The following ZZZ3 variants were observed in gnomAD, a reference collection of about 807,000 sequenced individuals.
ZZZ3 encodes ZZ-type zinc finger-containing protein 3.
Under a neutral mutation model 95.2 loss-of-function variants are expected in ZZZ3, and 22 were observed. The ratio of observed to expected loss-of-function variants is 0.23; its 90% confidence interval spans 0.17 to 0.33. The LOEUF (loss-of-function observed/expected upper bound fraction) is 0.33. Among genes scored for constraint, ZZZ3 ranks in the 10% least tolerant of loss-of-function variants. The pLI is 1.00. For synonymous variants in ZZZ3, 335 were observed against 358.9 expected (o/e 0.93, Z 0.75); for missense variants, 885 against 1,066.5 (o/e 0.83, Z 2.37).
intron 1 of ZZZ3, among the ~76,000 whole-genome samples, chr1:77,680,574 T>C (rs780316399): frequency 6.6e-6 from 1 of 152,192 alleles, no homozygotes; most frequent in Non-Finnish European, 1.5e-5. Flanking sequence ...ATATTATTAC[T>C]GGTAGGTTTG....
intron 5 of ZZZ3, among the ~76,000 whole-genome samples, chr1:77,603,838 A>C (rs567304654): frequency 2.0e-5 from 3 of 152,280 alleles, no homozygotes; most frequent in African/African-American, 7.2e-5. Context: ...TTTAACAACA[A>C]AATTATTATT....
At chr1:77,674,217 G>A (rs1295826555) in intron 1 of ZZZ3, among the ~76,000 whole-genome samples, 1 of 152,144 alleles carries the variant, frequency 6.6e-6, no homozygotes, top group Admixed American at 6.5e-5. Context: ...TGAGAAAAAT[G>A]TCTAAGTGTT....
chr1:77,638,468 A>G (rs191877424), intron 4 of ZZZ3, among the ~76,000 whole-genome samples: 82 of 152,364 alleles, frequency 5.4e-4, no homozygotes, highest in African/African-American at 1.9e-3. Context: ...ATTAAACAAA[A>G]AAGGCCCACC....
chr1:77,681,941 TTAAA>T (rs1265725933), intron 1 of ZZZ3, among the ~76,000 whole-genome samples: 7 of 150,180 alleles, frequency 4.7e-5, no homozygotes, highest in Admixed American at 4.0e-4. Flanking sequence ...GTCTGTTACC[TTAAA>T]TATATAACCT....
At position 77,562,593 on chromosome 1, in the gene ZZZ3, G is replaced by GTTCC. The variant is rs1660506940; in HGVS notation, c.*3046_*3047insGGAA. On this transcript the variant is annotated 3_prime_UTR_variant, in exon 15 of 15. Transcript: ENST00000370801. ...CTGTGAATCAATTTAAACAAAAAGGGGAAGGGGGGAAAACAGACAAGGCAT... is the reference window on the plus strand; with the variant it reads ...CTGTGAATCAATTTAAACAAAAAGGGTTCCGAAGGGGGGAAAACAGACAAGGCAT... 6.6e-6 allele frequency: 1 copy of GTTCC among 152,106 alleles called. No individual in the cohort carries two copies. Among genetic ancestry groups the GTTCC allele is most frequent in the Non-Finnish European group, 1.5e-5 (1 of 68,034 alleles). 9.4% of individuals were successfully genotyped at this position (152,106 alleles called of 1,614,324 possible). A position where few individuals can be genotyped will look rare whatever the true frequency, so the allele number is the denominator to read the frequency against.
chr1:77,680,652 CTTTG>C (rs1361275145), intron 1 of ZZZ3, among the ~76,000 whole-genome samples: 1 of 152,130 alleles, frequency 6.6e-6, no homozygotes, highest in Non-Finnish European at 1.5e-5. Context: ...GTATATATAC[CTTTG>C]TTTGTACTAA....
chr1:77,653,172 G>T (rs1436355492), intron 1 of ZZZ3, among the ~76,000 whole-genome samples: 2 of 150,788 alleles, frequency 1.3e-5, no homozygotes, highest in African/African-American at 2.4e-5. Context: ...GGGCAAAAGG[G>T]CAAGATTCTG....
At chr1:77,639,411 T>C in intron 4 of ZZZ3, 38 bp downstream of exon 4, 2 of 1,457,146 alleles carry the variant, frequency 1.4e-6, no homozygotes, top group South Asian at 1.4e-5. Flanking sequence ...GAAGTCAAAC[T>C]ATAGCTGTCT....
At chr1:77,646,332 C>T (rs781341870) in intron 1 of ZZZ3, among the ~76,000 whole-genome samples, 2 of 151,992 alleles carry the variant, frequency 1.3e-5, no homozygotes, top group African/African-American at 4.8e-5. Flanking sequence ...ATGATCCTCC[C>T]GCCTCAGCCT....
At chr1:77,667,179 C>T (rs1020399101) in intron 1 of ZZZ3, among the ~76,000 whole-genome samples, 6 of 152,158 alleles carry the variant, frequency 3.9e-5, no homozygotes, top group African/African-American at 1.4e-4. Context: ...ATTTTAATTA[C>T]TCAATATTAT....
At chr1:77,575,766 C>T (rs1194071923) in intron 12 of ZZZ3, among the ~76,000 whole-genome samples, 1 of 152,018 alleles carries the variant, frequency 6.6e-6, no homozygotes, top group Admixed American at 6.6e-5. Flanking sequence ...CTTTTATAAA[C>T]ATGATAATTA....
At chr1:77,572,626 C>T (rs550055571) in intron 12 of ZZZ3, among the ~76,000 whole-genome samples, 5 of 151,950 alleles carry the variant, frequency 3.3e-5, no homozygotes, top group South Asian at 2.1e-4. Context: ...GTGTGAGACA[C>T]TGCGCCCGGC....
At chr1:77,589,791 C>T (rs1194967437) in intron 5 of ZZZ3, among the ~76,000 whole-genome samples, 1 of 151,964 alleles carries the variant, frequency 6.6e-6, no homozygotes, top group Non-Finnish European at 1.5e-5. Context: ...AATTTCTAGG[C>T]AGTAATATTA....
chr1:77,627,478 T>C (rs1667438049), intron 5 of ZZZ3, among the ~76,000 whole-genome samples: 2 of 152,146 alleles, frequency 1.3e-5, no homozygotes, highest in African/African-American at 2.4e-5. Flanking sequence ...TAAGTAAATC[T>C]CCAAGAACTG....
At chr1:77,579,105 T>C (rs1662250664) in intron 10 of ZZZ3, among the ~76,000 whole-genome samples, 1 of 152,216 alleles carries the variant, frequency 6.6e-6, no homozygotes, top group Admixed American at 6.5e-5. Flanking sequence ...ATATTTCAAC[T>C]TGTGAACACT....
Position 77,633,120 on chromosome 1 carries a change from A to G in ZZZ3, c.235T>C (p.Ser79Pro), listed in dbSNP as rs748548339. The G allele has an allele frequency of 6.2e-7, 1 of 1,613,920 alleles. No homozygotes were observed. Among genetic ancestry groups the G allele is most frequent in the South Asian group, 1.1e-5 (1 of 91,074 alleles). The change falls in exon 5 of 15, where the codon TCA (serine) becomes CCA (proline). Residue 79 changes from serine to proline, a missense_variant. Physicochemically the swap from Ser to Pro is moderately conservative, Grantham distance 74 (BLOSUM62 -1). Coordinates refer to ENST00000370801, the MANE Select transcript of ZZZ3 (RefSeq NM_015534.6). Reference sequence around the variant, plus strand: ...CCTCTTTTCCTAGGGCTTACCCATGATTCTCGGGTACTCTGCTGTTTTAAA... The same window carrying G: ...CCTCTTTTCCTAGGGCTTACCCATGGTTCTCGGGTACTCTGCTGTTTTAAA... ...TDLKQQSTRE[S>P]WVSPRKRGLS... is the part of the protein sequence containing the mutation.
chr1:77,568,670 A>G (rs2100465075), intron 12 of ZZZ3, among the ~76,000 whole-genome samples: 1 of 143,362 alleles, frequency 7.0e-6, no homozygotes, highest in East Asian at 2.0e-4. Flanking sequence ...TTAACACAAC[A>G]GTAATTCTGA....
intron 1 of ZZZ3, among the ~76,000 whole-genome samples, chr1:77,675,408 G>A (rs949486119): frequency 1.3e-5 from 2 of 152,106 alleles, no homozygotes; most frequent in East Asian, 3.9e-4. Context: ...CTATTTCCTG[G>A]ACAATTTCAG....
chr1:77,632,614 G>C lies in ZZZ3; in HGVS notation c.741C>G (p.Thr247=). Residue 247 remains threonine (T), a synonymous_variant, in exon 5 of 15, where the codon ACC becomes ACG. Transcript: ENST00000370801. ...TACTATCAAGGAACATTGAAGTTTGGGTATCCGTATCCCCATTTTCAGCTA... is the reference window on the plus strand; with the variant it reads ...TACTATCAAGGAACATTGAAGTTTGCGTATCCGTATCCCCATTTTCAGCTA... The part of the protein sequence containing the change: ...KSVAENGDTD[T]QTSMFLDSRK... The C allele has an allele frequency of 1.9e-6, 3 of 1,614,056 alleles. No individual in the cohort carries two copies. Among genetic ancestry groups the C allele is most frequent in the Non-Finnish European group, 2.5e-6 (3 of 1,180,000 alleles).
Sources: gnomAD v4.1 joint callset for allele counts (sites outside exome capture counted in the v4.1 genomes callset) on GRCh38, gnomAD v4.1.1 for gene constraint, MANE v1.5 for transcripts, NCBI Gene and HGNC (gene_info 2026-07-23, HGNC 2026-07-21) for gene names.